Variants in CDH7 observed in about 807,000 individuals in gnomAD.
CDH7 encodes the protein cadherin-7.
CDH7 carries 25 observed loss-of-function variants against 71.8 expected under a neutral mutation model. The ratio of observed to expected loss-of-function variants is 0.35; its 90% CI spans 0.25 to 0.49. The LOEUF (loss-of-function observed/expected upper bound fraction) is 0.49, where lower values mean the gene tolerates loss of function less well. Ranked by LOEUF, CDH7 falls within the 20% of genes least tolerant of loss-of-function variation. The pLI, the probability that CDH7 is intolerant of heterozygous loss-of-function variation, is 0.99. For synonymous variants in CDH7, 381 were observed against 363.8 expected (o/e 1.05, Z -0.54); for missense variants, 862 against 974.6 (o/e 0.88, Z 1.54).
chr18:65,882,268 G>T lies in CDH7; in HGVS notation c.*1374G>T, dbSNP rs1914253184. On this transcript the variant is annotated 3_prime_UTR_variant, in exon 12 of 12. Coordinates refer to ENST00000397968, the MANE Select transcript of CDH7 (RefSeq NM_004361.5). ...ATGTGTTTAAGTTTGAGTTGAGCTT[G>T]TTAGAGTATGACTTTCATGACCAAA... 6.6e-6 allele frequency: 1 copy of T among 152,120 alleles called. No homozygotes were observed. The highest frequency in any genetic ancestry group is 2.4e-5 in the African/African-American group (1 of 41,432). The allele number at this position is 152,120 out of a possible 1,614,324, so 9.4% of individuals were successfully genotyped here. A position where few individuals can be genotyped will look rare whatever the true frequency, so the allele number is the denominator to read the frequency against.
In CDH7 at chr18:65,861,585, T is replaced by A. The variant is rs1343226043; in HGVS notation, c.1613-1081T>A. On this transcript the variant is annotated intron_variant, in intron 10 of 11. Coordinates refer to ENST00000397968, the MANE Select transcript of CDH7 (RefSeq NM_004361.5). ...ATTCATACATTCTAAAATAAAAGAT[T>A]TTTTTACATAAAAATCTACCAGATG... Among the ~76,000 whole-genome samples, 5 of 152,126 alleles carry A rather than the reference T, an allele frequency of 3.3e-5. No homozygotes were observed. The East Asian group carries it at 7.7e-4, about 23-fold the overall frequency.
At chr18:65,765,288 T>C (rs551573476) in intron 2 of CDH7, among the ~76,000 whole-genome samples, 49 of 151,944 alleles carry the variant, frequency 3.2e-4, no homozygotes, top group African/African-American at 1.1e-3. Context: ...TTTTCATATA[T>C]CCTTGGAAAA....
intron 11 of CDH7, among the ~76,000 whole-genome samples, chr18:65,875,523 C>T (rs562173174): frequency 6.6e-6 from 1 of 152,300 alleles, no homozygotes; most frequent in Non-Finnish European, 1.5e-5. Context: ...TCCATATTCC[C>T]TTCCTTTTAT....
rs1322407539 is a variant in CDH7 at position 65,857,944 on chromosome 18, T to C, written c.1364T>C (p.Met455Thr). The C allele has an allele frequency of 6.2e-7, 1 of 1,613,252 alleles. No individual in the cohort carries two copies. Residue 455 changes from methionine (M) to threonine (T), a missense_variant, in exon 8 of 12, where the codon ATG becomes ACG. Coordinates refer to ENST00000397968, the MANE Select transcript of CDH7 (RefSeq NM_004361.5). ...ATTCACAATATCACAGTCCTTGCAA[T>C]GGAGAGCCGTAAGTTGTGAGGCTTA... The part of the protein sequence containing the change: ...NAIHNITVLA[M>T]ESQNPSQVGR...
intron 6 of CDH7, among the ~76,000 whole-genome samples, chr18:65,836,458 A>G (rs1393060293): frequency 6.6e-6 from 1 of 152,144 alleles, no homozygotes; most frequent in Admixed American, 6.5e-5. Flanking sequence ...GTGTTACTAG[A>G]TGATGAAAAT....
chr18:65,826,786 T>A (rs1009593896), intron 6 of CDH7, among the ~76,000 whole-genome samples: 1 of 151,554 alleles, frequency 6.6e-6, no homozygotes, highest in Non-Finnish European at 1.5e-5. Flanking sequence ...AAACACTGTA[T>A]AATCTACTTT....
chr18:65,854,540 T>A (rs1913280538), intron 7 of CDH7, among the ~76,000 whole-genome samples: 1 of 152,110 alleles, frequency 6.6e-6, no homozygotes, highest in African/African-American at 2.4e-5. Flanking sequence ...CGCTAGGATC[T>A]TTGAGACTAT....
chr18:65,825,116 G>A (rs560305785), intron 6 of CDH7, among the ~76,000 whole-genome samples: 118 of 151,962 alleles, frequency 7.8e-4, no homozygotes, highest in Non-Finnish European at 1.5e-3. Flanking sequence ...GACCTATTTG[G>A]AGAGATGAAT....
intron 2 of CDH7, among the ~76,000 whole-genome samples, chr18:65,798,331 C>G (rs1910990918): frequency 6.6e-6 from 1 of 152,236 alleles, no homozygotes; most frequent in Non-Finnish European, 1.5e-5. Context: ...GCTTCAGTGG[C>G]TTCTTCTTCT....
intron 2 of CDH7, among the ~76,000 whole-genome samples, chr18:65,768,744 C>T (rs897863447): frequency 6.6e-5 from 10 of 152,040 alleles, no homozygotes. Context: ...CTGGATTGAG[C>T]ATATGTAGGC....
chr18:65,782,780 A>G (rs1910361563), intron 2 of CDH7, among the ~76,000 whole-genome samples: 1 of 152,226 alleles, frequency 6.6e-6, no homozygotes, highest in African/African-American at 2.4e-5. Flanking sequence ...AAACTCACAG[A>G]CAACACACTA....
At chr18:65,851,293 C>T (rs965276461) in intron 7 of CDH7, among the ~76,000 whole-genome samples, 2 of 151,952 alleles carry the variant, frequency 1.3e-5, no homozygotes, top group Admixed American at 6.6e-5. Flanking sequence ...ATGCACATAT[C>T]GACAAACTTT....
At chr18:65,878,297 C>T (rs1914128007) in intron 11 of CDH7, among the ~76,000 whole-genome samples, 1 of 152,184 alleles carries the variant, frequency 6.6e-6, no homozygotes, top group Non-Finnish European at 1.5e-5. Flanking sequence ...GCTAACTCTA[C>T]TTACGTTATT....
rs202004500 is a variant in CDH7 at position 65,882,044 on chromosome 18, A to T, written c.*1150A>T. 1 of 9,220 alleles carries T rather than the reference A, an allele frequency of 1.1e-4. No individual in the cohort carries two copies. The highest frequency in any genetic ancestry group is 2.4e-4 in the Non-Finnish European group (1 of 4,090). 0.6% of individuals were successfully genotyped at this position (9,220 alleles called of 1,614,324 possible). A position where few individuals can be genotyped will look rare whatever the true frequency, so the allele number is the denominator to read the frequency against. On this transcript the variant is annotated 3_prime_UTR_variant, in exon 12 of 12. Transcript: ENST00000397968. ...ATGAGTTCTACATGCTCCAAAGACG[A>T]TTTCAAGAACACAACCTTTCTTGCT...
intron 6 of CDH7, among the ~76,000 whole-genome samples, chr18:65,827,183 T>C (rs1465214048): frequency 6.6e-6 from 1 of 151,794 alleles, no homozygotes; most frequent in Non-Finnish European, 1.5e-5. Flanking sequence ...TTAGTTGAGA[T>C]TGTTAGCAAC....
chr18:65,859,047 G>C lies in CDH7; in HGVS notation c.1494+1G>C. The C allele has an allele frequency of 6.2e-7, 1 of 1,613,222 alleles. No homozygotes were observed. The highest frequency in any genetic ancestry group is 8.5e-7 in the Non-Finnish European group (1 of 1,179,394). On this transcript the variant is annotated splice_donor_variant, in intron 9 of 11. Coordinates refer to ENST00000397968, the MANE Select transcript of CDH7 (RefSeq NM_004361.5). LOFTEE classifies it high-confidence loss of function. ...CTGTGAAAATGCCCAGCCGGGGCAG[G>C]TAAGAGTCTTCAGAACACTTTGCTT... is the stretch of plus-strand genomic sequence containing the variant.
In CDH7 at chr18:65,809,823, G is replaced by T; in HGVS notation, c.330G>T (p.Leu110=). 3 of 1,613,970 alleles carry T rather than the reference G, an allele frequency of 1.9e-6. No individual in the cohort carries two copies. The highest frequency in any genetic ancestry group is 2.5e-6 in the Non-Finnish European group (3 of 1,179,966). The stretch of plus-strand genomic sequence containing the variant: ...GGGATATTCATGCCACCAAGAGACT[G>T]GATCGTGAGGAGCAGGCCTACTACA... ...NTGDIHATKR[L]DREEQAYYTL... is the part of the protein sequence containing the mutation. Residue 110 remains leucine (L), a synonymous_variant, in exon 3 of 12, where the codon CTG becomes CTT. Transcript: ENST00000397968.
chr18:65,810,042 G>A (rs752402180), intron 3 of CDH7, 44 bp downstream of exon 3: 2 of 1,511,270 alleles, frequency 1.3e-6, no homozygotes, highest in East Asian at 2.3e-5. Context: ...GGCCGATTTG[G>A]GGAGATTTGT....
At chr18:65,771,580 G>A (rs1916543632) in intron 2 of CDH7, among the ~76,000 whole-genome samples, 1 of 151,906 alleles carries the variant, frequency 6.6e-6, no homozygotes, top group South Asian at 2.1e-4. Context: ...AGAGGCTGAG[G>A]AAGAAGAATC....
Sources: allele counts gnomAD v4.1 joint callset (sites outside exome capture counted in the v4.1 genomes callset), GRCh38; gene constraint gnomAD v4.1.1; transcripts MANE v1.5; gene names NCBI Gene and HGNC (gene_info 2026-07-23, HGNC 2026-07-21).